DLD: variants seen among roughly 807,000 people sequenced by gnomAD.
DLD encodes dihydrolipoamide dehydrogenase, also known as dihydrolipoyl dehydrogenase, mitochondrial.
A neutral mutation model predicts 62.2 loss-of-function variants in DLD; 36 were observed. The ratio of observed to expected loss-of-function variants is 0.58; its 90% CI spans 0.44 to 0.76. DLD has a LOEUF of 0.76. DLD is among the 30% of genes least tolerant of loss of function. The probability of loss-of-function intolerance (pLI) is 0.00; values close to 1 mark genes in which losing one functional copy is unlikely to be tolerated. For synonymous variants in DLD, 204 were observed against 199.6 expected (o/e 1.02, Z -0.19); for missense variants, 541 against 608.6 (o/e 0.89, Z 1.17).
chr7:107,905,114 A>G (rs1291833317), intron 6 of DLD, 56 bp downstream of exon 6: 7 of 1,279,920 alleles, frequency 5.5e-6, no homozygotes, highest in Admixed American at 3.6e-5. Flanking sequence ...TAAACTTTGC[A>G]TTATAGAGTG....
At chr7:107,918,405 T>C (rs2032322989) in intron 12 of DLD, among the ~76,000 whole-genome samples, 1 of 152,234 alleles carries the variant, frequency 6.6e-6, no homozygotes, top group Non-Finnish European at 1.5e-5. Flanking sequence ...TTCTGCTCTC[T>C]TTTACTCATT....
At chr7:107,912,605 G>A (rs2032170537) in intron 8 of DLD, among the ~76,000 whole-genome samples, 1 of 152,088 alleles carries the variant, frequency 6.6e-6, no homozygotes, top group Non-Finnish European at 1.5e-5. Context: ...TTTCATACAT[G>A]TATTGGCTAT....
chr7:107,900,429 T>G (rs2031849478), intron 2 of DLD, among the ~76,000 whole-genome samples: 1 of 152,182 alleles, frequency 6.6e-6, no homozygotes, highest in Non-Finnish European at 1.5e-5. Context: ...TTACATACAT[T>G]ATTTTATTCT....
chr7:107,918,510 G>A (rs1014082415), intron 12 of DLD, among the ~76,000 whole-genome samples: 1 of 152,138 alleles, frequency 6.6e-6, no homozygotes, highest in African/African-American at 2.4e-5. Flanking sequence ...TGCTTAGACT[G>A]TTCTGCCTCC....
At chr7:107,918,968 T>C in intron 12 of DLD, 42 bp from the exon 13 acceptor site, 1 of 1,561,480 alleles carries the variant, frequency 6.4e-7, no homozygotes, top group South Asian at 1.1e-5. Flanking sequence ...AGCATGTAGT[T>C]TTTGCCTTGG....
intron 2 of DLD, among the ~76,000 whole-genome samples, chr7:107,895,461 C>T (rs1178663401): frequency 6.6e-6 from 1 of 152,206 alleles, no homozygotes; most frequent in Non-Finnish European, 1.5e-5. Context: ...TTCATGACAG[C>T]ACTTAATCAA....
chr7:107,918,881 T>A (rs2032335613), intron 12 of DLD, 129 bp from the exon 13 acceptor site: 1 of 810,120 alleles, frequency 1.2e-6, no homozygotes, highest in Non-Finnish European at 2.1e-6. Flanking sequence ...TTCCTGACTT[T>A]TCTTCAACTG....
intron 8 of DLD, among the ~76,000 whole-genome samples, chr7:107,912,066 CAT>C (rs1255051411): frequency 2.6e-5 from 4 of 151,796 alleles, no homozygotes; most frequent in African/African-American, 9.7e-5. Context: ...TTAGCTCCCA[CAT>C]GTTAGAACAT....
chr7:107,894,414 G>T (rs2031665866), intron 2 of DLD, among the ~76,000 whole-genome samples: 1 of 152,158 alleles, frequency 6.6e-6, no homozygotes, highest in South Asian at 2.1e-4. Context: ...CTAGAGGAAG[G>T]GTAGGGGGAG....
intron 2 of DLD, among the ~76,000 whole-genome samples, chr7:107,897,471 T>C (rs1193597594): frequency 6.6e-6 from 1 of 152,206 alleles, no homozygotes; most frequent in African/African-American, 2.4e-5. Flanking sequence ...TATTAAACTA[T>C]GTCATAGAAA....
chr7:107,916,788 A>G lies in DLD; in HGVS notation c.876-6A>G, dbSNP rs199944006. 5 of 1,612,972 alleles carry G rather than the reference A, an allele frequency of 3.1e-6. No homozygotes were observed. Among genetic ancestry groups the G allele is most frequent in the Non-Finnish European group, 4.2e-6 (5 of 1,179,606 alleles). ...ATTTAACATTTATACACTGTTTGTT[A>G]TCTAGTATTGAAGCTGCTTCTGGTG... On this transcript the variant is annotated splice_region_variant and splice_polypyrimidine_tract_variant and intron_variant, in intron 9 of 13. Coordinates refer to ENST00000205402, the MANE Select transcript of DLD (RefSeq NM_000108.5).
rs2032397702 is a variant in DLD at position 107,921,008 on chromosome 7, A to G, written c.*1749A>G. The G allele has an allele frequency of 6.6e-6, 1 of 152,336 alleles. No homozygotes were observed. The highest frequency in any genetic ancestry group is 1.5e-5 in the Non-Finnish European group (1 of 68,034). The allele number at this position is 152,336 out of a possible 1,614,324, so 9.4% of individuals were successfully genotyped here. ...CCCGGTATCATGTGAAGTGCTGTTT[A>G]TGTAAATCTCAACATATCCCTTACT... is the stretch of plus-strand genomic sequence containing the variant. On this transcript the variant is annotated 3_prime_UTR_variant, in exon 14 of 14. Coordinates refer to ENST00000205402, the MANE Select transcript of DLD (RefSeq NM_000108.5).
intron 3 of DLD, 58 bp downstream of exon 3, chr7:107,901,875 T>C: frequency 6.9e-7 from 1 of 1,445,086 alleles, no homozygotes; most frequent in Non-Finnish European, 9.7e-7. Flanking sequence ...GGGTTGATCA[T>C]ATTTATAAAG....
At chr7:107,897,262 G>T (rs2031749664) in intron 2 of DLD, among the ~76,000 whole-genome samples, 1 of 152,166 alleles carries the variant, frequency 6.6e-6, no homozygotes, top group Non-Finnish European at 1.5e-5. Context: ...TGTCATTTTA[G>T]TTGAAGTTCT....
chr7:107,917,066 G>A, intron 10 of DLD, 102 bp downstream of exon 10: 1 of 1,272,666 alleles, frequency 7.9e-7, no homozygotes, highest in East Asian at 2.5e-5. Context: ...ATTGGCTTTG[G>A]GGAAGAATAG....
At position 107,905,040 on chromosome 7, in the gene DLD, C is replaced by G. The variant is rs1232349000; in HGVS notation, c.420C>G (p.His140Gln). 1 of 1,608,856 alleles carries G rather than the reference C, an allele frequency of 6.2e-7. No homozygotes were observed. Among genetic ancestry groups the G allele is most frequent in the East Asian group, 2.2e-5 (1 of 44,792 alleles). The change falls in exon 6 of 14, where the codon CAC (histidine) becomes CAG (glutamine). Residue 140 changes from histidine (H) to glutamine (Q), a missense_variant. Coordinates refer to ENST00000205402, the MANE Select transcript of DLD (RefSeq NM_000108.5). The stretch of plus-strand genomic sequence containing the variant: ...AAGCTTTAACAGGTGGAATTGCCCA[C>G]TTATTCAAACAGAATAAGGTCAGTG... ...AVKALTGGIA[H>Q]LFKQNKVVHV...
At chr7:107,892,067 G>A (rs2116155670) in intron 1 of DLD, among the ~76,000 whole-genome samples, 1 of 152,290 alleles carries the variant, frequency 6.6e-6, no homozygotes, top group South Asian at 2.1e-4. Flanking sequence ...CTTTTAGGGA[G>A]CGGCGGAGGT....
intron 1 of DLD, among the ~76,000 whole-genome samples, chr7:107,892,432 C>CA (rs1443521903): frequency 3.9e-5 from 6 of 152,214 alleles, no homozygotes; most frequent in African/African-American, 1.4e-4. Context: ...TAAATACGGA[C>CA]TGTATATACA....
rs111447225 is a variant in DLD, at chr7:107,893,777, A to G, written c.118+499A>G. ...TGGAGCAGAAACCCATGCAATGTAA[A>G]GTCGGAGAGGTAGGCAGGAGACAGA... On this transcript the variant is annotated intron_variant, in intron 2 of 13. Transcript: ENST00000205402. 8.5e-3 allele frequency among the ~76,000 whole-genome samples: 1,299 copies of G among 152,296 alleles called. 19 individuals are homozygous for G. The highest frequency in any genetic ancestry group is 0.03 in the African/African-American group (1,232 of 41,552).
Sources: gnomAD v4.1 joint callset for allele counts (sites outside exome capture counted in the v4.1 genomes callset) on GRCh38, gnomAD v4.1.1 for gene constraint, MANE v1.5 for transcripts, NCBI Gene and HGNC (gene_info 2026-07-23, HGNC 2026-07-21) for gene names.